Variants in SH3RF1 observed in about 807,000 individuals in gnomAD.
SH3RF1 encodes the protein SH3 domain containing ring finger 1, also known as E3 ubiquitin-protein ligase SH3RF1.
SH3RF1 carries 32 observed loss-of-function variants against 74.0 expected under a neutral mutation model. That is an observed-to-expected ratio of 0.43 (90% CI 0.33 to 0.58). The LOEUF is 0.58. Among genes scored for constraint, SH3RF1 ranks in the 20% least tolerant of loss-of-function variants. The probability of loss-of-function intolerance (pLI) is 0.05; values close to 1 mark genes in which losing one functional copy is unlikely to be tolerated. For synonymous variants in SH3RF1, 396 were observed against 439.6 expected (o/e 0.90, Z 1.24); for missense variants, 954 against 1,130.9 (o/e 0.84, Z 2.24).
chr4:169,151,312 G>T (rs1158437812), intron 4 of SH3RF1, among the ~76,000 whole-genome samples: 1 of 152,182 alleles, frequency 6.6e-6, no homozygotes, highest in Non-Finnish European at 1.5e-5. Flanking sequence ...AATTTCTAGG[G>T]ATAATAATAA....
chr4:169,260,286 A>G (rs1234504127), intron 2 of SH3RF1, among the ~76,000 whole-genome samples: 1 of 152,236 alleles, frequency 6.6e-6, no homozygotes, highest in Non-Finnish European at 1.5e-5. Context: ...ACAAAAACAA[A>G]GCATTTTGAG....
chr4:169,233,146 G>T (rs1227227456), intron 2 of SH3RF1, among the ~76,000 whole-genome samples: 2 of 151,752 alleles, frequency 1.3e-5, no homozygotes, highest in Non-Finnish European at 2.9e-5. Context: ...CTACTCAGGG[G>T]GCTGAGGGAG....
At chr4:169,241,684 T>A (rs554698099) in intron 2 of SH3RF1, among the ~76,000 whole-genome samples, 1 of 152,124 alleles carries the variant, frequency 6.6e-6, no homozygotes, top group African/African-American at 2.4e-5. Flanking sequence ...CTTTCTAAAA[T>A]GAAAAATAAA....
intron 2 of SH3RF1, among the ~76,000 whole-genome samples, chr4:169,171,140 C>T (rs1734320738): frequency 6.6e-6 from 1 of 152,200 alleles, no homozygotes; most frequent in Non-Finnish European, 1.5e-5. Flanking sequence ...TGGCCAATCG[C>T]AGGCAGCCAA....
At chr4:169,140,240 G>C (rs1009938718) in intron 4 of SH3RF1, among the ~76,000 whole-genome samples, 2 of 152,166 alleles carry the variant, frequency 1.3e-5, no homozygotes, top group African/African-American at 4.8e-5. Flanking sequence ...GTAACAATAG[G>C]AAACCAAGAA....
At chr4:169,202,550 A>G (rs1036207948) in intron 2 of SH3RF1, among the ~76,000 whole-genome samples, 1 of 152,216 alleles carries the variant, frequency 6.6e-6, no homozygotes, top group Admixed American at 6.5e-5. Context: ...CAGCTAGCTT[A>G]TAATTAGTAT....
intron 2 of SH3RF1, among the ~76,000 whole-genome samples, chr4:169,182,379 C>A (rs1734525250): frequency 6.6e-6 from 1 of 152,168 alleles, no homozygotes; most frequent in African/African-American, 2.4e-5. Flanking sequence ...TAATACAATT[C>A]ATGTGTTTCA....
chr4:169,247,757 G>A (rs984463971), intron 2 of SH3RF1, among the ~76,000 whole-genome samples: 5 of 151,886 alleles, frequency 3.3e-5, no homozygotes, highest in African/African-American at 1.2e-4. Flanking sequence ...ATAGGAAAAG[G>A]GCTAATATCC....
rs780326982 is a variant in SH3RF1 at position 169,122,089 on chromosome 4, C to T, written c.1346+11G>A. The T allele has an allele frequency of 3.0e-5, 49 of 1,610,352 alleles. No homozygotes were observed. The highest frequency in any genetic ancestry group is 2.5e-4 in the East Asian group (11 of 44,868). On this transcript the variant is annotated intron_variant, in intron 7 of 11. Transcript: ENST00000284637. Reference sequence around the variant, plus strand: ...AACACATAAGCAGTAACAGACGACACGCTCACTTACACACTGGGGCGAGTC... The same window carrying T: ...AACACATAAGCAGTAACAGACGACATGCTCACTTACACACTGGGGCGAGTC...
chr4:169,131,055 C>T (rs1733610788), intron 5 of SH3RF1, among the ~76,000 whole-genome samples: 1 of 152,184 alleles, frequency 6.6e-6, no homozygotes, highest in African/African-American at 2.4e-5. Context: ...TAATCCCAAA[C>T]ATAGTTTTCT....
At chr4:169,232,648 T>C (rs1211208400) in intron 2 of SH3RF1, among the ~76,000 whole-genome samples, 3 of 152,216 alleles carry the variant, frequency 2.0e-5, no homozygotes, top group Admixed American at 2.0e-4. Context: ...TTACTTGAGT[T>C]AATAATCAGA....
intron 2 of SH3RF1, among the ~76,000 whole-genome samples, chr4:169,240,727 T>C (rs1730894567): frequency 6.6e-6 from 1 of 152,188 alleles, no homozygotes; most frequent in Admixed American, 6.5e-5. Context: ...TGAAATCTAC[T>C]GGCCTAGCAG....
intron 11 of SH3RF1, among the ~76,000 whole-genome samples, chr4:169,099,846 G>A (rs1579081032): frequency 6.6e-6 from 1 of 152,156 alleles, no homozygotes; most frequent in Admixed American, 6.5e-5. Context: ...AAACCTCTGG[G>A]GGGGCGGGTG....
At chr4:169,197,464 A>G (rs747831872) in intron 2 of SH3RF1, among the ~76,000 whole-genome samples, 1 of 152,030 alleles carries the variant, frequency 6.6e-6, no homozygotes. Context: ...CGTCTCTACT[A>G]AAAACACAAA....
intron 11 of SH3RF1, among the ~76,000 whole-genome samples, chr4:169,100,230 C>G (rs76840379): frequency 6.6e-6 from 1 of 152,188 alleles, no homozygotes; most frequent in Non-Finnish European, 1.5e-5. Flanking sequence ...AATACTCTCC[C>G]ATGACCTACA....
intron 2 of SH3RF1, among the ~76,000 whole-genome samples, chr4:169,231,266 C>T (rs1288439197): frequency 6.6e-6 from 1 of 152,122 alleles, no homozygotes; most frequent in Admixed American, 6.6e-5. Context: ...ATTTGTTACT[C>T]ATAAATAAAA....
At chr4:169,231,996 C>T (rs1216621209) in intron 2 of SH3RF1, among the ~76,000 whole-genome samples, 2 of 152,170 alleles carry the variant, frequency 1.3e-5, no homozygotes, top group South Asian at 2.1e-4. Flanking sequence ...AAAGGAAGAC[C>T]TTACGGCCTC....
chr4:169,175,066 G>A (rs569017213), intron 2 of SH3RF1, among the ~76,000 whole-genome samples: 3 of 152,162 alleles, frequency 2.0e-5, no homozygotes, highest in East Asian at 1.9e-4. Flanking sequence ...TGTTCACCTC[G>A]TTGCTTGGGC....
chr4:169,196,567 C>CTAGT, intron 2 of SH3RF1, among the ~76,000 whole-genome samples: 1 of 152,298 alleles, frequency 6.6e-6, no homozygotes, highest in East Asian at 1.9e-4. Context: ...TCTTGTGGGA[C>CTAGT]TAGTACTGTA....
Sources: gnomAD v4.1 joint callset for allele counts (sites outside exome capture counted in the v4.1 genomes callset) on GRCh38, gnomAD v4.1.1 for gene constraint, MANE v1.5 for transcripts, NCBI Gene and HGNC (gene_info 2026-07-23, HGNC 2026-07-21) for gene names.